The following FOCAD variants were observed in gnomAD, a reference collection of about 807,000 sequenced individuals.
The protein encoded by FOCAD is KIAA1797.
Under a neutral mutation model 225.6 loss-of-function variants are expected in FOCAD, and 198 were observed. The ratio of observed to expected loss-of-function variants is 0.88; its 90% CI spans 0.78 to 0.99. The LOEUF is 0.99. Among genes scored for constraint, FOCAD ranks in the 50% least tolerant of loss-of-function variants. The pLI is 0.00. For missense variants in FOCAD, 2,713 were observed against 2,123.6 expected (o/e 1.28, Z -5.46); for synonymous variants, 897 against 755.0 (o/e 1.19, Z -3.08).
Position 20,916,807 on chromosome 9 carries a change from G to A in FOCAD, c.2808-86G>A. ...GTTTTAAGATCTGGAGCCATTGCTG[G>A]AGGTTCTTATTAATTGATGAAAAAG... On this transcript the variant is annotated intron_variant, in intron 23 of 43. Transcript: ENST00000338382. 4 of 1,213,014 alleles carry A rather than the reference G, an allele frequency of 3.3e-6. No homozygotes were observed. In the South Asian group the frequency reaches 4.3e-5, roughly 13 times the overall value. 75.1% of individuals were successfully genotyped at this position (1,213,014 alleles called of 1,614,324 possible).
At chr9:20,977,322 T>C (rs1033414644) in intron 36 of FOCAD, among the ~76,000 whole-genome samples, 25 of 152,196 alleles carry the variant, frequency 1.6e-4, no homozygotes, top group African/African-American at 5.5e-4. Context: ...TCATATAAGG[T>C]AGTGTATTCA....
intron 21 of FOCAD, among the ~76,000 whole-genome samples, chr9:20,893,774 C>G (rs1363336781): frequency 6.6e-6 from 1 of 152,028 alleles, no homozygotes; most frequent in Non-Finnish European, 1.5e-5. Flanking sequence ...CCATACAACT[C>G]CCTGCTCACT....
In FOCAD at chr9:20,941,306, A is replaced by G. The variant is rs550069697; in HGVS notation, c.3408-3321A>G. On this transcript the variant is annotated intron_variant, in intron 28 of 43. Transcript: ENST00000338382. Reference sequence around the variant, plus strand: ...CTCATTGTGCCATTGTGATCCTCACAGCCGTAACTGTAGTCATGCAGTCAT... The same window carrying G: ...CTCATTGTGCCATTGTGATCCTCACGGCCGTAACTGTAGTCATGCAGTCAT... Among the ~76,000 whole-genome samples the G allele has an allele frequency of 2.2e-4, 33 of 152,328 alleles. No homozygotes were observed. In the South Asian group the frequency reaches 6.8e-3, roughly 32 times the overall value.
chr9:20,678,533 A>G (rs1361836734), intron 2 of FOCAD, among the ~76,000 whole-genome samples: 1 of 152,206 alleles, frequency 6.6e-6, no homozygotes, highest in Non-Finnish European at 1.5e-5. Flanking sequence ...AGCAATCTCT[A>G]TTATAGGTGA....
intron 1 of FOCAD, among the ~76,000 whole-genome samples, chr9:20,691,572 C>A (rs1487767819): frequency 1.3e-5 from 2 of 151,960 alleles, no homozygotes; most frequent in African/African-American, 2.4e-5. Flanking sequence ...AGCCGCACCT[C>A]CCGGGTTCAC....
chr9:20,802,898 A>T (rs563653945), intron 11 of FOCAD, among the ~76,000 whole-genome samples: 1 of 152,246 alleles, frequency 6.6e-6, no homozygotes, highest in African/African-American at 2.4e-5. Context: ...ATCAGCAGGG[A>T]CTGGTACTTG....
At chr9:20,766,028 G>A (rs117133104) in intron 7 of FOCAD, among the ~76,000 whole-genome samples, 2 of 152,180 alleles carry the variant, frequency 1.3e-5, no homozygotes, top group Non-Finnish European at 2.9e-5. Context: ...TTCTCCTGTG[G>A]CTTTTCCAAA....
chr9:20,956,097 C>T (rs1838112161), intron 35 of FOCAD, among the ~76,000 whole-genome samples: 1 of 152,110 alleles, frequency 6.6e-6, no homozygotes, highest in African/African-American at 2.4e-5. Context: ...GCTAATTGGT[C>T]AGTGATCTGC....
chr9:20,921,208 A>G (rs1454552482), intron 24 of FOCAD, among the ~76,000 whole-genome samples: 1 of 152,186 alleles, frequency 6.6e-6, no homozygotes, highest in Admixed American at 6.5e-5. Flanking sequence ...TGAAGTATTG[A>G]GTCACTTTAC....
intron 8 of FOCAD, among the ~76,000 whole-genome samples, chr9:20,774,677 A>T (rs1466291652): frequency 1.3e-5 from 2 of 152,322 alleles, no homozygotes; most frequent in East Asian, 3.9e-4. Flanking sequence ...TATTTTGGCC[A>T]CTGGGAATCT....
At chr9:20,745,949 A>T (rs1453475973) in intron 5 of FOCAD, among the ~76,000 whole-genome samples, 1 of 152,156 alleles carries the variant, frequency 6.6e-6, no homozygotes, top group African/African-American at 2.4e-5. Context: ...TATATAGTTT[A>T]TTTGGAGGGA....
intron 2 of FOCAD, among the ~76,000 whole-genome samples, chr9:20,716,861 C>A (rs1294842471): frequency 6.6e-6 from 1 of 152,116 alleles, no homozygotes; most frequent in Non-Finnish European, 1.5e-5. Context: ...TCTTGTGTGA[C>A]TATAAAACCA....
At chr9:20,744,295 C>T (rs555002434) in intron 5 of FOCAD, among the ~76,000 whole-genome samples, 107 of 152,168 alleles carry the variant, frequency 7.0e-4, no homozygotes, top group Admixed American at 6.5e-4. Context: ...ATTTTTAACA[C>T]GGGATTTGAA....
At chr9:20,874,330 T>G (rs1830046990) in intron 18 of FOCAD, 1 of 180,256 alleles carries the variant, frequency 5.5e-6, no homozygotes, top group Non-Finnish European at 1.1e-5. Context: ...GCTATAGAAG[T>G]TAAATATATT....
At chr9:20,688,622 T>C (rs1295441724) in intron 1 of FOCAD, among the ~76,000 whole-genome samples, 1 of 151,892 alleles carries the variant, frequency 6.6e-6, no homozygotes, top group Non-Finnish European at 1.5e-5. Context: ...TAAGAGAGTT[T>C]GTAGAATAAG....
intron 24 of FOCAD, among the ~76,000 whole-genome samples, chr9:20,921,664 T>C (rs1274931305): frequency 6.6e-6 from 1 of 152,218 alleles, no homozygotes; most frequent in Admixed American, 6.5e-5. Context: ...TCAAAGATTA[T>C]TATCCAAATA....
intron 35 of FOCAD, among the ~76,000 whole-genome samples, chr9:20,969,696 A>G (rs1839589811): frequency 6.7e-4 from 1 of 1,496 alleles, no homozygotes; most frequent in African/African-American, 1.9e-3. Context: ...GAGTTATAAA[A>G]CAAAAATATA....
At chr9:20,795,664 G>A (rs1019187078) in intron 11 of FOCAD, among the ~76,000 whole-genome samples, 1 of 151,294 alleles carries the variant, frequency 6.6e-6, no homozygotes, top group Non-Finnish European at 1.5e-5. Context: ...GGTGCCTGTA[G>A]TCCCAGCTAC....
intron 11 of FOCAD, among the ~76,000 whole-genome samples, chr9:20,807,918 G>C (rs1822636064): frequency 6.6e-6 from 1 of 152,060 alleles, no homozygotes; most frequent in Non-Finnish European, 1.5e-5. Flanking sequence ...AGGCATGGTG[G>C]TGCACACCTG....
Sources: gnomAD v4.1 joint callset for allele counts (sites outside exome capture counted in the v4.1 genomes callset) on GRCh38, gnomAD v4.1.1 for gene constraint, MANE v1.5 for transcripts, NCBI Gene and HGNC (gene_info 2026-07-23, HGNC 2026-07-21) for gene names.